Variants in SCUBE1 observed in about 807,000 individuals in gnomAD.
SCUBE1 encodes the protein signal peptide, CUB and EGF-like domain-containing protein 1.
A neutral mutation model predicts 124.4 loss-of-function variants in SCUBE1; 59 were observed. The observed-to-expected ratio is 0.47, with a 90% CI of 0.38 to 0.59. The LOEUF is 0.59. Ranked by LOEUF, SCUBE1 falls within the 20% of genes least tolerant of loss-of-function variation. The probability of loss-of-function intolerance (pLI) is 0.00; values close to 1 mark genes in which losing one functional copy is unlikely to be tolerated. For synonymous variants in SCUBE1, 545 were observed against 550.9 expected, an observed-to-expected ratio of 0.99 and a Z score of 0.15; for missense variants, 1,150 against 1,371.2, an observed-to-expected ratio of 0.84 and a Z score of 2.55.
chr22:43,337,862 C>G (rs1927136133), intron 2 of SCUBE1, among the ~76,000 whole-genome samples: 1 of 152,212 alleles, frequency 6.6e-6, no homozygotes, highest in African/African-American at 2.4e-5. Flanking sequence ...AAATATCAAA[C>G]TTGGAAAAAT....
At chr22:43,310,096 C>T (rs1438972440) in intron 3 of SCUBE1, among the ~76,000 whole-genome samples, 1 of 152,132 alleles carries the variant, frequency 6.6e-6, no homozygotes, top group Non-Finnish European at 1.5e-5. Flanking sequence ...TTTCTCGAGA[C>T]GATATGACCC....
At chr22:43,243,368 A>G (rs1923082733) in intron 6 of SCUBE1, among the ~76,000 whole-genome samples, 1 of 152,220 alleles carries the variant, frequency 6.6e-6, no homozygotes, top group Non-Finnish European at 1.5e-5. Context: ...GGGGCTCGAA[A>G]GCATGTGGGG....
At chr22:43,320,887 G>T (rs1009188535) in intron 2 of SCUBE1, among the ~76,000 whole-genome samples, 1 of 152,236 alleles carries the variant, frequency 6.6e-6, no homozygotes, top group Non-Finnish European at 1.5e-5. Flanking sequence ...AGCCCAAGGG[G>T]CCTAACCCCG....
chr22:43,287,991 C>T (rs1925209853), intron 4 of SCUBE1, among the ~76,000 whole-genome samples: 1 of 152,192 alleles, frequency 6.6e-6, no homozygotes, highest in African/African-American at 2.4e-5. Context: ...CTCTTCAGGA[C>T]TTCCACACAG....
At chr22:43,334,999 C>A (rs80279139) in intron 2 of SCUBE1, among the ~76,000 whole-genome samples, 2,894 of 152,306 alleles carry the variant, frequency 0.019, 85 homozygotes, top group African/African-American at 0.065. Context: ...TGTTAACACC[C>A]TCTTCTCAGA....
intron 3 of SCUBE1, among the ~76,000 whole-genome samples, chr22:43,316,567 G>A (rs1410859011): frequency 3.3e-5 from 5 of 152,186 alleles, no homozygotes; most frequent in Non-Finnish European, 4.4e-5. Context: ...TCACAATCTA[G>A]TCAATGCCCT....
chr22:43,201,331 A>T lies in SCUBE1; in HGVS notation c.*2666T>A, dbSNP rs1363534155. The T allele has an allele frequency of 6.8e-6, 1 of 147,640 alleles. No individual in the cohort carries two copies. The highest frequency in any genetic ancestry group is 2.6e-5 in the African/African-American group (1 of 39,098). 9.1% of individuals were successfully genotyped at this position (147,640 alleles called of 1,614,324 possible). ...AAAAAAAAAAAAAAAAAAAAAAGAA[A>T]ACAAAAAAAGAAAACAAAAAACAAA... On this transcript the variant is annotated 3_prime_UTR_variant, in exon 22 of 22. Transcript: ENST00000360835.
rs1926567953 is a variant in SCUBE1, at chr22:43,321,904, A to C, written c.221-1839T>G. ...TGGGCTGTTTTTAATTCTGATATTT[A>C]ATACACTTATAAATTACAAATAAAC... is the stretch of plus-strand genomic sequence containing the variant. On this transcript the variant is annotated intron_variant, in intron 2 of 21. Transcript: ENST00000360835. 2.0e-5 allele frequency among the ~76,000 whole-genome samples: 3 copies of C among 150,270 alleles called. No homozygotes were observed. The South Asian group carries it at 6.2e-4, about 31-fold the overall frequency.
At chr22:43,264,077 C>T (rs562572625) in intron 4 of SCUBE1, among the ~76,000 whole-genome samples, 20 of 152,284 alleles carry the variant, frequency 1.3e-4, no homozygotes, top group East Asian at 7.7e-4. Flanking sequence ...ACGCCAGCCA[C>T]GGCTAATTTC....
At chr22:43,216,174 G>A (rs555044571) in intron 15 of SCUBE1, among the ~76,000 whole-genome samples, 46 of 151,974 alleles carry the variant, frequency 3.0e-4, no homozygotes, top group Admixed American at 2.9e-3. Flanking sequence ...AGCCTCCCCA[G>A]TAGCTAGGAT....
intron 14 of SCUBE1, among the ~76,000 whole-genome samples, chr22:43,220,140 C>T (rs529956851): frequency 5.3e-5 from 8 of 152,328 alleles, no homozygotes; most frequent in Non-Finnish European, 7.3e-5. Flanking sequence ...GGGGCTGCAC[C>T]TATTTGTCCT....
chr22:43,257,361 A>G lies in SCUBE1; in HGVS notation c.727+858T>C, dbSNP rs188033018. Among the ~76,000 whole-genome samples, 1,214 of 152,398 alleles carry G rather than the reference A, an allele frequency of 8.0e-3. 15 individuals are homozygous for G. The highest frequency in any genetic ancestry group is 0.014 in the Middle Eastern group (4 of 294). On this transcript the variant is annotated intron_variant, in intron 6 of 21. Transcript: ENST00000360835. ...TTGGGTTTCTAAAGTTTGCCTGCAC[A>G]GGAAGGGTTGAACTCCGGCACCAAC...
intron 4 of SCUBE1, among the ~76,000 whole-genome samples, chr22:43,269,284 C>A (rs1393386542): frequency 6.6e-6 from 1 of 152,152 alleles, no homozygotes; most frequent in Admixed American, 6.5e-5. Flanking sequence ...TCCCCCAAGG[C>A]CTTCGATCAT....
At chr22:43,232,713 C>A (rs867666609) in intron 7 of SCUBE1, among the ~76,000 whole-genome samples, 1 of 152,238 alleles carries the variant, frequency 6.6e-6, no homozygotes, top group Non-Finnish European at 1.5e-5. Context: ...TCTGCTTGCA[C>A]ACCTCCAGGG....
At chr22:43,231,977 A>T in intron 7 of SCUBE1, 102 bp from the exon 8 acceptor site, 3 of 1,418,072 alleles carry the variant, frequency 2.1e-6, no homozygotes, top group Non-Finnish European at 1.9e-6. Context: ...CACTGCCCTG[A>T]GTTGCCTGGT....
At chr22:43,330,744 G>C (rs1045577097) in intron 2 of SCUBE1, among the ~76,000 whole-genome samples, 1 of 152,210 alleles carries the variant, frequency 6.6e-6, no homozygotes, top group Admixed American at 6.5e-5. Flanking sequence ...CAAGAACTCT[G>C]TAAGAGGCCT....
intron 2 of SCUBE1, among the ~76,000 whole-genome samples, chr22:43,331,134 C>T (rs1365713468): frequency 2.6e-5 from 4 of 152,186 alleles, no homozygotes; most frequent in African/African-American, 9.7e-5. Flanking sequence ...CTAAATGGAT[C>T]ACTGAGTATG....
chr22:43,216,231 G>C (rs923709798), intron 15 of SCUBE1, among the ~76,000 whole-genome samples: 4 of 151,398 alleles, frequency 2.6e-5, no homozygotes, highest in African/African-American at 9.7e-5. Flanking sequence ...ATTTTTAGTA[G>C]AGACGGGGTT....
At chr22:43,245,301 GCGCCTGGTCCTGACCA>G (rs1161365653) in intron 6 of SCUBE1, among the ~76,000 whole-genome samples, 1 of 152,226 alleles carries the variant, frequency 6.6e-6, no homozygotes, top group African/African-American at 2.4e-5. Flanking sequence ...GCAGAGGGCC[GCGCCTGGTCCTGACCA>G]CGCCTCCCCG....
Sources: allele counts gnomAD v4.1 joint callset (sites outside exome capture counted in the v4.1 genomes callset), GRCh38; gene constraint gnomAD v4.1.1; transcripts MANE v1.5; gene names NCBI Gene and HGNC (gene_info 2026-07-23, HGNC 2026-07-21).